YME1L1: variants seen among roughly 807,000 people sequenced by gnomAD.
YME1L1 encodes the protein ATP-dependent zinc metalloprotease YME1L1.
In YME1L1, 39 loss-of-function variants were observed where a neutral mutation model predicts 90.4. The observed-to-expected ratio is 0.43, with a 90% CI of 0.33 to 0.56. The LOEUF is 0.56. Ranked by LOEUF, YME1L1 falls within the 20% of genes least tolerant of loss-of-function variation. The pLI, the probability that YME1L1 is intolerant of heterozygous loss-of-function variation, is 0.03. For synonymous variants in YME1L1, 284 were observed against 287.3 expected, an observed-to-expected ratio of 0.99 and a Z score of 0.12; for missense variants, 617 against 868.4, an observed-to-expected ratio of 0.71 and a Z score of 3.64.
rs750979852 is a variant in YME1L1, at chr10:27,111,834, T to C, written c.*143A>G. 9 of 1,098,614 alleles carry C rather than the reference T, an allele frequency of 8.2e-6. No homozygotes were observed. The highest frequency in any genetic ancestry group is 3.5e-5 in the Admixed American group (2 of 57,438). The allele number at this position is 1,098,614 out of a possible 1,614,324, so 68.1% of individuals were successfully genotyped here. ...ATGAGAATAACCCAAACTGGATAAA[T>C]GTGACAAATGATTGACAAAGCATTT... On this transcript the variant is annotated 3_prime_UTR_variant, in exon 19 of 19. Coordinates refer to ENST00000376016, the MANE Select transcript of YME1L1 (RefSeq NM_014263.4).
chr10:27,123,430 G>T, intron 10 of YME1L1, 117 bp downstream of exon 10: 2 of 1,172,224 alleles, frequency 1.7e-6, no homozygotes, highest in Non-Finnish European at 2.4e-6. Flanking sequence ...AAAGCTGGAG[G>T]CCCCAAAAAA....
chr10:27,123,302 T>C (rs576065148), intron 10 of YME1L1, among the ~76,000 whole-genome samples: 2 of 152,088 alleles, frequency 1.3e-5, no homozygotes, highest in Non-Finnish European at 2.9e-5. Context: ...AGATTTTTGG[T>C]AGCCTCCAAC....
At chr10:27,145,784 C>A in intron 2 of YME1L1, 194 bp from the exon 3 acceptor site, 2 of 405,750 alleles carry the variant, frequency 4.9e-6, no homozygotes, top group Non-Finnish European at 4.2e-6. Flanking sequence ...TGAGGTTTGA[C>A]ATAGGTTAAA....
chr10:27,147,337 T>A, intron 2 of YME1L1: 3 of 1,358,060 alleles, frequency 2.2e-6, no homozygotes, highest in South Asian at 1.3e-5. Context: ...TTACAAAAAA[T>A]TTAAAAATGA....
intron 7 of YME1L1, among the ~76,000 whole-genome samples, chr10:27,132,741 C>G (rs2135873200): frequency 6.6e-6 from 1 of 152,044 alleles, no homozygotes; most frequent in East Asian, 2.0e-4. Context: ...ATTGCTTGAA[C>G]CCCAGGAGGA....
chr10:27,149,906 G>A (rs1046413237), intron 1 of YME1L1, among the ~76,000 whole-genome samples: 13 of 150,764 alleles, frequency 8.6e-5, no homozygotes, highest in Admixed American at 4.0e-4. Context: ...AAATCCCATC[G>A]CCACTAAAAA....
rs1451375538 is a variant in YME1L1, at chr10:27,119,166, G to T, written c.1567+128C>A. On this transcript the variant is annotated intron_variant, in intron 14 of 18. Coordinates refer to ENST00000376016, the MANE Select transcript of YME1L1 (RefSeq NM_014263.4). ...TACAAATCTTGAAAACCCAGACACT[G>T]AAGTTTTAGAGTAAGATTAGATTCA... The T allele has an allele frequency of 7.4e-6, 7 of 950,120 alleles. No individual in the cohort carries two copies. In the East Asian group the frequency reaches 2.0e-4, roughly 27 times the overall value. The allele number at this position is 950,120 out of a possible 1,614,324, so 58.9% of individuals were successfully genotyped here. A position where few individuals can be genotyped will look rare whatever the true frequency, so the allele number is the denominator to read the frequency against.
chr10:27,145,750 T>G (rs1391687870), intron 2 of YME1L1, 160 bp from the exon 3 acceptor site: 2 of 609,470 alleles, frequency 3.3e-6, no homozygotes, highest in Non-Finnish European at 5.1e-6. Flanking sequence ...ATTTTCACAG[T>G]TCGTTTTACT....
At chr10:27,120,608 G>T (rs1053865872) in intron 12 of YME1L1, 61 bp from the exon 13 acceptor site, 5 of 1,361,540 alleles carry the variant, frequency 3.7e-6, no homozygotes, top group Non-Finnish European at 5.1e-6. Flanking sequence ...AATTCAACAG[G>T]ACTGACACCC....
intron 11 of YME1L1, 33 bp downstream of exon 11, chr10:27,122,808 A>G: frequency 6.2e-7 from 1 of 1,610,762 alleles, no homozygotes; most frequent in Non-Finnish European, 8.5e-7. Flanking sequence ...GGGAGGCATC[A>G]CCATATTCTA....
At chr10:27,152,235 T>G (rs2057228400) in intron 1 of YME1L1, among the ~76,000 whole-genome samples, 1 of 152,252 alleles carries the variant, frequency 6.6e-6, no homozygotes, top group African/African-American at 2.4e-5. Context: ...GAATTAGTTA[T>G]ATCTCTTTTA....
chr10:27,117,105 T>A (rs1172848699), intron 15 of YME1L1, among the ~76,000 whole-genome samples: 3 of 152,316 alleles, frequency 2.0e-5, no homozygotes, highest in African/African-American at 4.8e-5. Flanking sequence ...AGGTGGATAA[T>A]GCTGCAATAG....
intron 7 of YME1L1, among the ~76,000 whole-genome samples, chr10:27,133,831 T>C (rs1160909922): frequency 6.6e-5 from 10 of 152,208 alleles, no homozygotes; most frequent in Admixed American, 6.5e-4. Flanking sequence ...CCTTTCACCC[T>C]GTTGACCAGG....
At chr10:27,123,760 C>T in intron 9 of YME1L1, 61 bp from the exon 10 acceptor site, 1 of 1,483,350 alleles carries the variant, frequency 6.7e-7, no homozygotes, top group Non-Finnish European at 9.1e-7. Context: ...TCGATATGAA[C>T]CTATAAAATA....
intron 11 of YME1L1, 38 bp downstream of exon 11, chr10:27,122,803 G>A: frequency 6.2e-7 from 1 of 1,608,932 alleles, no homozygotes; most frequent in East Asian, 2.2e-5. Context: ...ATGCTGGGAG[G>A]CATCACCATA....
chr10:27,117,325 T>C (rs2056823195), intron 15 of YME1L1, among the ~76,000 whole-genome samples: 1 of 152,204 alleles, frequency 6.6e-6, no homozygotes, highest in African/African-American at 2.4e-5. Context: ...CCCAGCACTT[T>C]GGGAGACTGA....
chr10:27,120,389 A>G (rs2056854833), intron 13 of YME1L1, 46 bp downstream of exon 13: 3 of 1,382,562 alleles, frequency 2.2e-6, no homozygotes, highest in South Asian at 2.4e-5. Context: ...GGTGAGTGGT[A>G]TATTACCACT....
At chr10:27,142,587 T>C (rs1475333005) in intron 3 of YME1L1, 102 bp from the exon 4 acceptor site, 2 of 495,146 alleles carry the variant, frequency 4.0e-6, no homozygotes, top group Non-Finnish European at 3.5e-6. Context: ...GAAATCACAA[T>C]ATGAGTTTCA....
chr10:27,114,377 C>T, intron 18 of YME1L1, 144 bp downstream of exon 18: 2 of 601,624 alleles, frequency 3.3e-6, no homozygotes. Context: ...AATTTTTTCC[C>T]CAGACACCAT....
Sources: allele counts gnomAD v4.1 joint callset (sites outside exome capture counted in the v4.1 genomes callset), GRCh38; gene constraint gnomAD v4.1.1; transcripts MANE v1.5; gene names NCBI Gene and HGNC (gene_info 2026-07-23, HGNC 2026-07-21).